SORL1: variants seen among roughly 807,000 people sequenced by gnomAD.
SORL1 encodes the protein sortilin related receptor 1.
A neutral mutation model predicts 273.7 loss-of-function variants in SORL1; 127 were observed. The ratio of observed to expected loss-of-function variants is 0.46; its 90% CI spans 0.40 to 0.54. The LOEUF is 0.54. Among genes scored for constraint, SORL1 ranks in the 20% least tolerant of loss-of-function variants. The pLI is 0.00. For missense variants in SORL1, 2,494 were observed against 2,846.1 expected (o/e 0.88, Z 2.81); for synonymous variants, 1,031 against 1,067.4 (o/e 0.97, Z 0.66).
At chr11:121,510,422 T>C (rs1366434641) in intron 6 of SORL1, among the ~76,000 whole-genome samples, 1 of 152,224 alleles carries the variant, frequency 6.6e-6, no homozygotes, top group Admixed American at 6.5e-5. Flanking sequence ...GTTTCTGTCT[T>C]AATGTTCTGC....
At chr11:121,624,539 T>TG (rs1445543516) in intron 45 of SORL1, among the ~76,000 whole-genome samples, 1 of 152,126 alleles carries the variant, frequency 6.6e-6, no homozygotes, top group African/African-American at 2.4e-5. Context: ...GCCAGGTTGT[T>TG]GGGGGGCTGA....
intron 3 of SORL1, among the ~76,000 whole-genome samples, chr11:121,479,377 C>G (rs1330384857): frequency 6.6e-6 from 1 of 152,154 alleles, no homozygotes; most frequent in Non-Finnish European, 1.5e-5. Flanking sequence ...AGTAGAAAAA[C>G]TAAGAGAAAC....
intron 3 of SORL1, among the ~76,000 whole-genome samples, chr11:121,486,354 T>C (rs1052456587): frequency 1.3e-5 from 2 of 152,154 alleles, no homozygotes; most frequent in African/African-American, 2.4e-5. Flanking sequence ...CCCTCAAGAC[T>C]GTCACTGGGT....
chr11:121,484,115 T>C (rs181010272), intron 3 of SORL1, among the ~76,000 whole-genome samples: 1 of 152,312 alleles, frequency 6.6e-6, no homozygotes, highest in East Asian at 1.9e-4. Flanking sequence ...GAGATTGTCT[T>C]CTGCTTTGAG....
In SORL1 at chr11:121,506,938, T is replaced by C. The variant is rs150321671; in HGVS notation, c.940-6065T>C. On this transcript the variant is annotated intron_variant, in intron 6 of 47. Coordinates refer to ENST00000260197, the MANE Select transcript of SORL1 (RefSeq NM_003105.6). ...AGATTTTCTAGGGTGACATTTAAAT[T>C]CCCTTGTACCTTCTTTCACTAAATT... is the stretch of plus-strand genomic sequence containing the variant. Among the ~76,000 whole-genome samples, 915 of 152,324 alleles carry C rather than the reference T, an allele frequency of 6.0e-3. 10 individuals carry two copies. Among genetic ancestry groups the C allele is most frequent in the South Asian group, 0.027 (130 of 4,828 alleles).
At position 121,611,095 on chromosome 11, in the gene SORL1, C is replaced by A. The variant is rs1863556774; in HGVS notation, c.5259C>A (p.Ile1753=). 6.2e-7 allele frequency: 1 copy of A among 1,613,100 alleles called. No homozygotes were observed. Among genetic ancestry groups the A allele is most frequent in the Non-Finnish European group, 8.5e-7 (1 of 1,179,034 alleles). The change falls in exon 39 of 48, where the codon ATC becomes ATA. Residue 1753 remains isoleucine (I), a synonymous_variant. Coordinates refer to ENST00000260197, the MANE Select transcript of SORL1 (RefSeq NM_003105.6). ...IKGKVIPPPD[I]HIDSYGENYL... is the part of the protein sequence containing the mutation. ...TTTCAGTGATCCCACCACCAGATATCCACATTGACAGCTATGGTGAAAATT... is the reference window on the plus strand; with the variant it reads ...TTTCAGTGATCCCACCACCAGATATACACATTGACAGCTATGGTGAAAATT...
chr11:121,508,824 A>G (rs1297057015), intron 6 of SORL1, among the ~76,000 whole-genome samples: 2 of 152,226 alleles, frequency 1.3e-5, no homozygotes, highest in African/African-American at 4.8e-5. Flanking sequence ...GAATTCTGAA[A>G]AAGTTGATTT....
intron 39 of SORL1, chr11:121,611,981 A>C (rs1404408363): frequency 6.6e-6 from 1 of 152,242 alleles, no homozygotes; most frequent in Non-Finnish European, 1.5e-5. Context: ...TCTCTACTAA[A>C]AATACAAAAA....
chr11:121,493,397 C>G (rs968116743), intron 5 of SORL1, among the ~76,000 whole-genome samples: 1 of 152,178 alleles, frequency 6.6e-6, no homozygotes, highest in South Asian at 2.1e-4. Flanking sequence ...GCTGGGATTA[C>G]AGGCACCCAC....
intron 33 of SORL1, among the ~76,000 whole-genome samples, chr11:121,604,750 G>A (rs539797205): frequency 2.6e-5 from 4 of 152,104 alleles, no homozygotes; most frequent in Non-Finnish European, 5.9e-5. Flanking sequence ...GATGAAATTC[G>A]AGGGAAAATA....
chr11:121,543,497 T>G, intron 12 of SORL1, 51 bp from the exon 13 acceptor site: 1 of 1,498,842 alleles, frequency 6.7e-7, no homozygotes, highest in Non-Finnish European at 9.2e-7. Flanking sequence ...AAACCAAGCC[T>G]TTGCCTTAGA....
At chr11:121,454,026 G>T (rs1417757826) in intron 1 of SORL1, among the ~76,000 whole-genome samples, 1 of 152,236 alleles carries the variant, frequency 6.6e-6, no homozygotes, top group Non-Finnish European at 1.5e-5. Flanking sequence ...GTAACTAATG[G>T]TGGCCACAGG....
At chr11:121,466,584 C>G (rs1462182501) in intron 1 of SORL1, among the ~76,000 whole-genome samples, 9 of 152,100 alleles carry the variant, frequency 5.9e-5, no homozygotes, top group African/African-American at 1.7e-4. Flanking sequence ...AAGGTGGAGA[C>G]AGAGGAGACA....
intron 8 of SORL1, among the ~76,000 whole-genome samples, chr11:121,518,555 A>C (rs960811008): frequency 2.6e-5 from 4 of 152,234 alleles, no homozygotes; most frequent in African/African-American, 9.6e-5. Flanking sequence ...GTGGGATGAC[A>C]GGTTTATGAT....
At chr11:121,576,974 A>G in intron 24 of SORL1, 1 of 1,503,004 alleles carries the variant, frequency 6.7e-7, no homozygotes, top group Non-Finnish European at 8.9e-7. Context: ...CCATCATAGC[A>G]AGCATAGAAA....
intron 45 of SORL1, among the ~76,000 whole-genome samples, chr11:121,622,618 C>T (rs1026411643): frequency 4.6e-5 from 7 of 152,208 alleles, no homozygotes; most frequent in Non-Finnish European, 1.0e-4. Context: ...ATTCCACACT[C>T]GCTGAGGGTG....
Position 121,618,866 on chromosome 11 carries a change from C to T in SORL1, c.5697C>T (p.Val1899=), listed in dbSNP as rs1418065860. The T allele has an allele frequency of 6.2e-7, 1 of 1,614,150 alleles. No individual in the cohort carries two copies. The highest frequency in any genetic ancestry group is 2.2e-5 in the East Asian group (1 of 44,884). ...CACTCCACAACAAGACGGTCATTGT[C>T]AGTAAGGATGAGCAGTATTTGTTTC... is the stretch of plus-strand genomic sequence containing the variant. The part of the protein sequence containing the change: ...TTSLHNKTVI[V]SKDEQYLFLV... The change falls in exon 42 of 48, where the codon GTC becomes GTT. Residue 1899 remains valine, a synonymous_variant. Coordinates refer to ENST00000260197, the MANE Select transcript of SORL1 (RefSeq NM_003105.6).
In SORL1 at chr11:121,633,635, C is replaced by A. The variant is rs1437506867; in HGVS notation, c.*4072C>A. The A allele has an allele frequency of 1.3e-5, 2 of 152,144 alleles. No homozygotes were observed. Among genetic ancestry groups the A allele is most frequent in the African/African-American group, 4.8e-5 (2 of 41,436 alleles). The allele number at this position is 152,144 out of a possible 1,614,324, so 9.4% of individuals were successfully genotyped here. On this transcript the variant is annotated 3_prime_UTR_variant, in exon 48 of 48. Transcript: ENST00000260197. ...TTTAAGATAATTTTTGTCTCAATGT[C>A]AACTTTTTTCACTGAATAAAAATTT...
chr11:121,480,238 A>G (rs648909), intron 3 of SORL1, among the ~76,000 whole-genome samples: 1 of 152,208 alleles, frequency 6.6e-6, no homozygotes, highest in Admixed American at 6.5e-5. Context: ...AGATTTAACC[A>G]TTAAACAATG....
Sources: allele counts gnomAD v4.1 joint callset (sites outside exome capture counted in the v4.1 genomes callset), GRCh38; gene constraint gnomAD v4.1.1; transcripts MANE v1.5; gene names NCBI Gene and HGNC (gene_info 2026-07-23, HGNC 2026-07-21).